Variants in NCOA2 observed in about 807,000 individuals in gnomAD.
The protein encoded by NCOA2 is class E basic helix-loop-helix protein 75.
In NCOA2, 21 loss-of-function variants were observed where a neutral mutation model predicts 145.1. The observed-to-expected ratio is 0.14, with a 90% CI of 0.10 to 0.21. The LOEUF is 0.21. NCOA2 is among the 10% of genes least tolerant of loss of function. The pLI is 1.00. For missense variants in NCOA2, 1,472 were observed against 1,837.6 expected (o/e 0.80, Z 3.64); for synonymous variants, 619 against 637.5 (o/e 0.97, Z 0.44).
upstream of NCOA2, among the ~76,000 whole-genome samples, chr8:70,404,655 C>T (rs1056600802): frequency 3.3e-5 from 5 of 152,230 alleles, no homozygotes; most frequent in Non-Finnish European, 7.3e-5. Context: ...AAATGCTGCA[C>T]ACAGAGTGTG....
intron 1 of NCOA2, among the ~76,000 whole-genome samples, chr8:70,382,742 C>T (rs962611904): frequency 6.6e-6 from 1 of 152,186 alleles, no homozygotes; most frequent in African/African-American, 2.4e-5. Context: ...TTACCAAATG[C>T]TTGCACGCGT....
chr8:70,161,870 C>T (rs1487770796), intron 9 of NCOA2, among the ~76,000 whole-genome samples: 7 of 151,948 alleles, frequency 4.6e-5, no homozygotes, highest in African/African-American at 7.3e-5. Context: ...TTAGCACATA[C>T]TAAAGCAAAA....
intron 2 of NCOA2, among the ~76,000 whole-genome samples, chr8:70,278,441 T>C (rs1825628896): frequency 1.3e-5 from 2 of 152,310 alleles, no homozygotes; most frequent in South Asian, 4.2e-4. Flanking sequence ...ATGTGGATCA[T>C]AGGGAGCCTG....
chr8:70,228,880 G>A (rs1304265206), intron 2 of NCOA2, among the ~76,000 whole-genome samples: 1 of 152,080 alleles, frequency 6.6e-6, no homozygotes, highest in Non-Finnish European at 1.5e-5. Flanking sequence ...TTAAACCCTG[G>A]TTCTAGTTGG....
chr8:70,212,155 C>CA (rs1369048301), intron 4 of NCOA2, among the ~76,000 whole-genome samples: 1 of 151,238 alleles, frequency 6.6e-6, no homozygotes, highest in Non-Finnish European at 1.5e-5. Context: ...AAAACTGAAT[C>CA]ATTCATAATC....
At position 70,294,686 on chromosome 8, in the gene NCOA2, G is replaced by A. The variant is rs536937843; in HGVS notation, c.-20+2058C>T. Among the ~76,000 whole-genome samples, 12 of 152,208 alleles carry A rather than the reference G, an allele frequency of 7.9e-5. No individual in the cohort carries two copies. In the East Asian group the frequency reaches 2.1e-3, roughly 27 times the overall value. ...TGTTGTCACAAATATTCTTGTACTAGGGGTATTTAGGCAGAAAATGGAGCT... is the reference window on the plus strand; with the variant it reads ...TGTTGTCACAAATATTCTTGTACTAAGGGTATTTAGGCAGAAAATGGAGCT... On this transcript the variant is annotated intron_variant, in intron 2 of 22. Coordinates refer to ENST00000452400, the MANE Select transcript of NCOA2 (RefSeq NM_006540.4).
At chr8:70,276,626 TCTCTCGCC>T (rs772583288) in intron 2 of NCOA2, among the ~76,000 whole-genome samples, 7 of 152,206 alleles carry the variant, frequency 4.6e-5, no homozygotes, top group Non-Finnish European at 1.0e-4. Flanking sequence ...TTCTCATTCT[TCTCTCGCC>T]TGCTGCCTTG....
intron 1 of NCOA2, among the ~76,000 whole-genome samples, chr8:70,389,510 C>T (rs1359693669): frequency 6.6e-6 from 1 of 152,070 alleles, no homozygotes; most frequent in African/African-American, 2.4e-5. Flanking sequence ...GAACTCCCGA[C>T]CTCAGGTGAT....
chr8:70,302,370 T>C (rs114851013), intron 1 of NCOA2, among the ~76,000 whole-genome samples: 5 of 152,176 alleles, frequency 3.3e-5, no homozygotes, highest in Non-Finnish European at 7.4e-5. Flanking sequence ...ATAAATTGAC[T>C]GATTAACTTC....
chr8:70,250,861 ATAC>A (rs1003789323), intron 2 of NCOA2, among the ~76,000 whole-genome samples: 2 of 152,244 alleles, frequency 1.3e-5, no homozygotes, highest in Admixed American at 6.5e-5. Context: ...TTGTAATTCC[ATAC>A]TACAGCTAAA....
chr8:70,173,771 C>G (rs1008428804), intron 5 of NCOA2, among the ~76,000 whole-genome samples: 2 of 151,996 alleles, frequency 1.3e-5, no homozygotes, highest in Non-Finnish European at 2.9e-5. Context: ...GTGTGCCCCC[C>G]CTCCGCCCTG....
intron 1 of NCOA2, among the ~76,000 whole-genome samples, chr8:70,324,465 G>A (rs944842358): frequency 6.6e-6 from 1 of 152,044 alleles, no homozygotes; most frequent in Non-Finnish European, 1.5e-5. Flanking sequence ...AGCCTCCCAG[G>A]TTGCTGGGAC....
intron 4 of NCOA2, among the ~76,000 whole-genome samples, chr8:70,199,843 A>G (rs542179702): frequency 6.6e-6 from 1 of 152,296 alleles, no homozygotes; most frequent in East Asian, 1.9e-4. Flanking sequence ...TAAAAGAAAC[A>G]TCTTTAATAC....
At chr8:70,256,205 T>C (rs1374308345) in intron 2 of NCOA2, among the ~76,000 whole-genome samples, 1 of 152,180 alleles carries the variant, frequency 6.6e-6, no homozygotes, top group Non-Finnish European at 1.5e-5. Flanking sequence ...ATTTTGCTGC[T>C]TCCTCCCAGG....
rs74564381 is a variant in NCOA2, at chr8:70,241,540, C to T, written c.-19-24776G>A. 1.0e-2 allele frequency among the ~76,000 whole-genome samples: 1,522 copies of T among 152,262 alleles called. 23 individuals carry two copies. The highest frequency in any genetic ancestry group is 0.034 in the African/African-American group (1,428 of 41,548). On this transcript the variant is annotated intron_variant, in intron 2 of 22. Coordinates refer to ENST00000452400, the MANE Select transcript of NCOA2 (RefSeq NM_006540.4). ...ACAAACATTAAAAAACAAAAAATCACTTCAACTGTAATAGTTCCCTCCTTG... is the reference window on the plus strand; with the variant it reads ...ACAAACATTAAAAAACAAAAAATCATTTCAACTGTAATAGTTCCCTCCTTG...
intron 1 of NCOA2, among the ~76,000 whole-genome samples, chr8:70,344,706 C>T (rs1247894488): frequency 6.6e-6 from 1 of 152,102 alleles, no homozygotes; most frequent in Non-Finnish European, 1.5e-5. Context: ...GAGTAAAGTT[C>T]CATGAGCAGG....
chr8:70,169,608 TA>T (rs1008689790), intron 6 of NCOA2, among the ~76,000 whole-genome samples: 3 of 151,998 alleles, frequency 2.0e-5, no homozygotes, highest in Non-Finnish European at 4.4e-5. Context: ...TGTGTCACCT[TA>T]AAAAAACAAT....
At chr8:70,279,011 A>G (rs1038193043) in intron 2 of NCOA2, among the ~76,000 whole-genome samples, 1 of 152,000 alleles carries the variant, frequency 6.6e-6, no homozygotes, top group Non-Finnish European at 1.5e-5. Context: ...CCCTGTATCA[A>G]TCCGTCAATG....
chr8:70,157,185 G>A lies in NCOA2; in HGVS notation c.1180C>T (p.Pro394Ser), dbSNP rs1812393550. ...CTGTTAGAGCTAATTGGATTCAGTG[G>A]CTTCCCCATCGTTTGTCCAGTCAGA... ...PDLTGQTMGK[P>S]LNPISSNSPA... The change falls in exon 11 of 23, where the codon CCA (proline) becomes TCA (serine). Residue 394 changes from proline (P) to serine (S), a missense_variant. Pro to Ser is a moderately conservative substitution (Grantham distance 74, BLOSUM62 -1). This residue lies in a region of NCOA2 where 953 missense variants were observed against 1,062.1 expected (regional missense o/e 0.90). Coordinates refer to ENST00000452400, the MANE Select transcript of NCOA2 (RefSeq NM_006540.4). The A allele has an allele frequency of 3.1e-6, 5 of 1,595,376 alleles. No individual in the cohort carries two copies. In the East Asian group the frequency reaches 1.1e-4, roughly 36 times the overall value.
Sources: allele counts gnomAD v4.1 joint callset (sites outside exome capture counted in the v4.1 genomes callset), GRCh38; gene constraint gnomAD v4.1.1; regional missense constraint gnomAD v4.1.1; transcripts MANE v1.5; gene names NCBI Gene and HGNC (gene_info 2026-07-23, HGNC 2026-07-21).